ZFHX3: variants seen among roughly 807,000 people sequenced by gnomAD.
The protein encoded by ZFHX3 is zinc finger homeobox protein 3.
In ZFHX3, 42 loss-of-function variants were observed where a neutral mutation model predicts 279.1. That is an observed-to-expected ratio of 0.15 (90% confidence interval 0.12 to 0.19). ZFHX3 has a LOEUF of 0.19. ZFHX3 is among the 10% of genes least tolerant of loss of function. ZFHX3 has a pLI of 1.00. For missense variants in ZFHX3, 4,981 were observed against 4,754.0 expected, an observed-to-expected ratio of 1.05 and a Z score of -1.40; for synonymous variants, 2,293 against 1,957.8, an observed-to-expected ratio of 1.17 and a Z score of -4.52.
Position 72,787,473 on chromosome 16 carries a change from C to A in ZFHX3, c.10803G>T (p.Ser3601=). Reference sequence around the variant, plus strand: ...GGGAAGCGGAGGAGGGGGCGGCGGCCGACGGGGGAGGGGGGCTGTCGTTTG... The same window carrying A: ...GGGAAGCGGAGGAGGGGGCGGCGGCAGACGGGGGAGGGGGGCTGTCGTTTG... The part of the protein sequence containing the change: ...AHSNDSPPPP[S]AAAPSSASPH... The change falls in exon 10 of 10, where the codon TCG becomes TCT. Residue 3601 remains serine, a synonymous_variant. Transcript: ENST00000268489. The A allele has an allele frequency of 2.8e-6, 4 of 1,408,124 alleles. No homozygotes were observed. Among genetic ancestry groups the A allele is most frequent in the South Asian group, 1.6e-5 (1 of 61,226 alleles). The allele number at this position is 1,408,124 out of a possible 1,614,324, so 87.2% of individuals were successfully genotyped here.
intron 1 of ZFHX3, among the ~76,000 whole-genome samples, chr16:72,977,868 T>C (rs999214403): frequency 6.6e-6 from 1 of 150,792 alleles, no homozygotes; most frequent in African/African-American, 2.4e-5. Flanking sequence ...TTTTTTCTTT[T>C]TTCTTTTTTT....
chr16:73,771,906 T>C (rs1049728953), intron 1 of ZFHX3, among the ~76,000 whole-genome samples: 1 of 152,060 alleles, frequency 6.6e-6, no homozygotes, highest in African/African-American at 2.4e-5. Context: ...TAGACTGTGG[T>C]CACCTCCCCC....
At chr16:73,375,783 C>A (rs2016712660) in intron 3 of ZFHX3, among the ~76,000 whole-genome samples, 1 of 152,184 alleles carries the variant, frequency 6.6e-6, no homozygotes, top group Non-Finnish European at 1.5e-5. Flanking sequence ...AGAAATCCAA[C>A]CATCAGCGAT....
At chr16:73,304,759 G>C (rs772478252) in intron 4 of ZFHX3, among the ~76,000 whole-genome samples, 3 of 152,180 alleles carry the variant, frequency 2.0e-5, no homozygotes, top group Admixed American at 6.5e-5. Context: ...TAAGGAGCCT[G>C]CTTCCTGAGC....
At chr16:73,495,822 C>T (rs879616358) in intron 2 of ZFHX3, among the ~76,000 whole-genome samples, 1 of 152,168 alleles carries the variant, frequency 6.6e-6, no homozygotes, top group Non-Finnish European at 1.5e-5. Context: ...CATATCCTTC[C>T]CCTCATCAAT....
At chr16:73,842,781 G>A (rs1358219967) in intron 1 of ZFHX3, among the ~76,000 whole-genome samples, 1 of 152,184 alleles carries the variant, frequency 6.6e-6, no homozygotes, top group Non-Finnish European at 1.5e-5. Flanking sequence ...CATAGTCAGG[G>A]TAGATACCCG....
chr16:72,840,404 T>C (rs1223888279), intron 4 of ZFHX3, among the ~76,000 whole-genome samples: 2 of 151,928 alleles, frequency 1.3e-5, no homozygotes, highest in African/African-American at 2.4e-5. Flanking sequence ...GAAGGAGAGA[T>C]GGAGGGGCGG....
intron 3 of ZFHX3, among the ~76,000 whole-genome samples, chr16:73,352,912 G>C (rs80288944): frequency 8.5e-5 from 13 of 152,264 alleles, no homozygotes; most frequent in African/African-American, 3.1e-4. Flanking sequence ...AAACTGGCTT[G>C]GTTCAGGGCT....
chr16:73,217,646 G>GA (rs1445863011), intron 5 of ZFHX3, among the ~76,000 whole-genome samples: 1 of 152,118 alleles, frequency 6.6e-6, no homozygotes, highest in East Asian at 1.9e-4. Flanking sequence ...CCCTGGTAAT[G>GA]AAAAAACCCC....
At chr16:73,764,547 A>G (rs1251708189) in intron 1 of ZFHX3, among the ~76,000 whole-genome samples, 1 of 152,122 alleles carries the variant, frequency 6.6e-6, no homozygotes, top group African/African-American at 2.4e-5. Context: ...AAACTGATTA[A>G]AGCTCATGCT....
At position 72,928,202 on chromosome 16, in the gene ZFHX3, G is replaced by A. The variant is rs865799347; in HGVS notation, c.3216+22267C>T. Reference sequence around the variant, plus strand: ...GGGAGAGAGGGAGGGGGAGGGGAGCGAGGGGGAGCGAAGGGGAGCGAGGGG... The same window carrying A: ...GGGAGAGAGGGAGGGGGAGGGGAGCAAGGGGGAGCGAAGGGGAGCGAGGGG... On this transcript the variant is annotated intron_variant, in intron 3 of 9. Coordinates refer to ENST00000268489, the MANE Select transcript of ZFHX3 (RefSeq NM_006885.4). Among the ~76,000 whole-genome samples the A allele has an allele frequency of 6.0e-5, 7 of 116,454 alleles. 1 individual carries two copies. The highest frequency in any genetic ancestry group is 7.3e-4 in the South Asian group (2 of 2,744). The allele number at this position is 116,454 out of a possible 152,430, so 76.4% of individuals were successfully genotyped here.
chr16:73,557,258 T>C (rs781087660), intron 2 of ZFHX3, among the ~76,000 whole-genome samples: 2 of 151,928 alleles, frequency 1.3e-5, no homozygotes, highest in Non-Finnish European at 2.9e-5. Flanking sequence ...AGAAGCAAGA[T>C]TGAAAGGCCA....
intron 1 of ZFHX3, among the ~76,000 whole-genome samples, chr16:73,034,449 G>A (rs972627730): frequency 1.3e-5 from 2 of 152,132 alleles, no homozygotes; most frequent in Non-Finnish European, 2.9e-5. Flanking sequence ...ACAGTCCCTG[G>A]ACTAGCCAAA....
chr16:73,847,992 C>A (rs912087661), intron 1 of ZFHX3, among the ~76,000 whole-genome samples: 1 of 148,558 alleles, frequency 6.7e-6, no homozygotes, highest in Non-Finnish European at 1.5e-5. Flanking sequence ...AACTCCTGAC[C>A]TCATGATCCA....
chr16:72,990,899 A>C (rs1249575528), intron 1 of ZFHX3, among the ~76,000 whole-genome samples: 1 of 152,104 alleles, frequency 6.6e-6, no homozygotes, highest in Non-Finnish European at 1.5e-5. Flanking sequence ...AGAATCGCTT[A>C]AACTCGGGAG....
chr16:73,534,550 T>C (rs1490375077), intron 2 of ZFHX3, among the ~76,000 whole-genome samples: 1 of 152,200 alleles, frequency 6.6e-6, no homozygotes, highest in African/African-American at 2.4e-5. Flanking sequence ...TTTTGCTCAC[T>C]GATAGATCTC....
chr16:73,779,410 G>T (rs1431312116), intron 1 of ZFHX3, among the ~76,000 whole-genome samples: 1 of 121,864 alleles, frequency 8.2e-6, no homozygotes. Context: ...GGAGGAGGAG[G>T]TGGTGGTGTT....
chr16:73,466,405 C>A (rs554501340), intron 2 of ZFHX3, among the ~76,000 whole-genome samples: 7 of 152,224 alleles, frequency 4.6e-5, no homozygotes, highest in Non-Finnish European at 1.0e-4. Flanking sequence ...ATCACTTGAT[C>A]TCAGGAGATG....
chr16:72,949,617 G>C (rs1308596336), intron 3 of ZFHX3, among the ~76,000 whole-genome samples: 1 of 152,054 alleles, frequency 6.6e-6, no homozygotes, highest in African/African-American at 2.4e-5. Context: ...GGTGGAGGGA[G>C]AGAAAGAATA....
Sources: gnomAD v4.1 joint callset for allele counts (sites outside exome capture counted in the v4.1 genomes callset) on GRCh38, gnomAD v4.1.1 for gene constraint, MANE v1.5 for transcripts, NCBI Gene and HGNC (gene_info 2026-07-23, HGNC 2026-07-21) for gene names.